The following CHRM5 variants were observed in gnomAD, a reference collection of about 807,000 sequenced individuals.
CHRM5 encodes the protein cholinergic receptor muscarinic 5, also known as muscarinic acetylcholine receptor M5.
A neutral mutation model predicts 39.0 loss-of-function variants in CHRM5; 18 were observed. The observed-to-expected ratio is 0.46, with a 90% CI of 0.32 to 0.68. The LOEUF is 0.68. Among genes scored for constraint, CHRM5 ranks in the 30% least tolerant of loss-of-function variants. CHRM5 has a pLI of 0.04. For missense variants in CHRM5, 515 were observed against 651.1 expected, an observed-to-expected ratio of 0.79 and a Z score of 2.28; for synonymous variants, 241 against 246.3, an observed-to-expected ratio of 0.98 and a Z score of 0.20.
chr15:33,988,241 G>GT (rs904581511), intron 1 of CHRM5, among the ~76,000 whole-genome samples: 2 of 152,000 alleles, frequency 1.3e-5, no homozygotes, highest in Non-Finnish European at 2.9e-5. Flanking sequence ...AATAAACATA[G>GT]TTTTTTTTAG....
intron 1 of CHRM5, among the ~76,000 whole-genome samples, chr15:34,013,451 G>A (rs900924773): frequency 6.6e-6 from 1 of 152,176 alleles, no homozygotes; most frequent in Admixed American, 6.5e-5. Flanking sequence ...ACTCTAAGTG[G>A]CACTTATTGT....
intron 1 of CHRM5, among the ~76,000 whole-genome samples, chr15:33,989,577 G>A (rs1425752160): frequency 6.6e-6 from 1 of 151,948 alleles, no homozygotes; most frequent in African/African-American, 2.4e-5. Context: ...CTGAAAAGAT[G>A]CCTTTCCTAC....
At chr15:33,996,830 G>A (rs975979654) in intron 1 of CHRM5, among the ~76,000 whole-genome samples, 3 of 152,232 alleles carry the variant, frequency 2.0e-5, no homozygotes, top group African/African-American at 4.8e-5. Context: ...TCGCTAGCAA[G>A]AGAACAAAGC....
intron 1 of CHRM5, among the ~76,000 whole-genome samples, chr15:34,042,701 C>T (rs1249811873): frequency 6.6e-6 from 1 of 152,028 alleles, no homozygotes; most frequent in Non-Finnish European, 1.5e-5. Context: ...CCGTGCCCGG[C>T]AACCTAAGTT....
At chr15:34,003,173 C>CT (rs749849195) in intron 1 of CHRM5, 1 of 1,613,756 alleles carries the variant, frequency 6.2e-7, no homozygotes. Context: ...TCATCATTCT[C>CT]TTCTCCATAG....
intron 2 of CHRM5, among the ~76,000 whole-genome samples, chr15:34,051,250 G>A (rs1899916392): frequency 6.6e-6 from 1 of 151,928 alleles, no homozygotes; most frequent in African/African-American, 2.4e-5. Flanking sequence ...ATGACTCCTG[G>A]GCAAATAATG....
At chr15:33,969,924 T>A (rs557039518) in intron 1 of CHRM5, among the ~76,000 whole-genome samples, 1 of 152,020 alleles carries the variant, frequency 6.6e-6, no homozygotes, top group Non-Finnish European at 1.5e-5. Context: ...AATCACTGCA[T>A]AATGAGACTT....
At chr15:33,985,158 T>C (rs1026254214) in intron 1 of CHRM5, among the ~76,000 whole-genome samples, 2 of 151,986 alleles carry the variant, frequency 1.3e-5, no homozygotes, top group Non-Finnish European at 2.9e-5. Context: ...TTCCACCTTA[T>C]CTGTAAGCTA....
Position 33,983,229 on chromosome 15 carries a change from CACAT to C in CHRM5, c.-408+14083_-408+14086del, listed in dbSNP as rs1422851980. On this transcript the variant is annotated intron_variant, in intron 1 of 2. Transcript: ENST00000383263. ...ATATATATATACATATATATACACA[CACAT>C]ACACACACACACATATATATGGCTT... 4.3e-3 allele frequency among the ~76,000 whole-genome samples: 372 copies of C among 87,002 alleles called. 6 individuals are homozygous for C. The highest frequency in any genetic ancestry group is 0.015 in the African/African-American group (328 of 22,098). The allele number at this position is 87,002 out of a possible 152,430, so 57.1% of individuals were successfully genotyped here.
At position 33,982,981 on chromosome 15, in the gene CHRM5, A is replaced by G; in HGVS notation, c.-408+13831A>G. On this transcript the variant is annotated intron_variant, in intron 1 of 2. Coordinates refer to ENST00000383263, the MANE Select transcript of CHRM5 (RefSeq NM_012125.4). ...AACTCCTGTTGGGATAATTTTTGAA[A>G]GACTGCACCTCTTAACTGCATGGAC... is the stretch of plus-strand genomic sequence containing the variant. 1.5e-5 allele frequency among the ~76,000 whole-genome samples: 2 copies of G among 134,918 alleles called. 1 individual carries two copies. Among genetic ancestry groups the G allele is most frequent in the Non-Finnish European group, 3.0e-5 (2 of 66,478 alleles). The allele number at this position is 134,918 out of a possible 152,430, so 88.5% of individuals were successfully genotyped here. A position where few individuals can be genotyped will look rare whatever the true frequency, so the allele number is the denominator to read the frequency against.
intron 1 of CHRM5, among the ~76,000 whole-genome samples, chr15:34,040,503 G>A (rs1017013513): frequency 2.6e-5 from 4 of 152,186 alleles, no homozygotes; most frequent in African/African-American, 9.7e-5. Flanking sequence ...GCACTTATAT[G>A]CACCAAACAC....
intron 1 of CHRM5, among the ~76,000 whole-genome samples, chr15:33,988,427 A>C (rs879443057): frequency 3.6e-4 from 55 of 152,334 alleles, no homozygotes; most frequent in Admixed American, 1.9e-3. Flanking sequence ...ACATGTATAG[A>C]ATAGAGATAA....
At position 34,064,832 on chromosome 15, in the gene CHRM5, C is replaced by G. The variant is rs1043408178; in HGVS notation, c.*516C>G. The G allele has an allele frequency of 1.1e-5, 2 of 182,330 alleles. No individual in the cohort carries two copies. The highest frequency in any genetic ancestry group is 1.1e-4 in the Admixed American group (2 of 18,386). 11.3% of individuals were successfully genotyped at this position (182,330 alleles called of 1,614,324 possible). ...TTCTAAGAATATGTATCTTCATAAA[C>G]TGATCACTATCTATTATGCAGCTAT... On this transcript the variant is annotated 3_prime_UTR_variant, in exon 3 of 3. Transcript: ENST00000383263.
intron 1 of CHRM5, among the ~76,000 whole-genome samples, chr15:34,013,448 G>A (rs1897725023): frequency 6.6e-6 from 1 of 152,200 alleles, no homozygotes; most frequent in Non-Finnish European, 1.5e-5. Context: ...ACAACTCTAA[G>A]TGGCACTTAT....
intron 1 of CHRM5, among the ~76,000 whole-genome samples, chr15:33,979,007 T>C (rs1896017260): frequency 6.6e-6 from 1 of 152,152 alleles, no homozygotes; most frequent in African/African-American, 2.4e-5. Context: ...CTGGCTCATA[T>C]AATGCTCCAG....
intron 1 of CHRM5, among the ~76,000 whole-genome samples, chr15:33,996,360 A>G (rs1159055281): frequency 1.3e-5 from 2 of 152,116 alleles, no homozygotes; most frequent in African/African-American, 2.4e-5. Context: ...AGTTCTGAGA[A>G]CCGACAGACT....
intron 2 of CHRM5, among the ~76,000 whole-genome samples, chr15:34,052,713 A>C (rs1364681147): frequency 6.6e-6 from 1 of 152,224 alleles, no homozygotes; most frequent in Non-Finnish European, 1.5e-5. Context: ...AGGAAAGCAC[A>C]GAGCCAAATC....
At chr15:34,030,573 C>A (rs1898738504) in intron 1 of CHRM5, among the ~76,000 whole-genome samples, 1 of 151,986 alleles carries the variant, frequency 6.6e-6, no homozygotes. Flanking sequence ...TGTGATCCAC[C>A]CGCCTCAGCC....
chr15:33,984,440 T>C (rs926700555), intron 1 of CHRM5, among the ~76,000 whole-genome samples: 2 of 152,038 alleles, frequency 1.3e-5, no homozygotes, highest in African/African-American at 4.8e-5. Flanking sequence ...TTCACTCTTG[T>C]TGCTCAGGCT....
Sources: allele counts gnomAD v4.1 joint callset (sites outside exome capture counted in the v4.1 genomes callset), GRCh38; gene constraint gnomAD v4.1.1; transcripts MANE v1.5; gene names NCBI Gene and HGNC (gene_info 2026-07-23, HGNC 2026-07-21).